Variants in MCMBP observed in about 807,000 individuals in gnomAD.
The protein encoded by MCMBP is mini-chromosome maintenance complex-binding protein.
MCMBP carries 31 observed loss-of-function variants against 81.3 expected under a neutral mutation model. The ratio of observed to expected loss-of-function variants is 0.38; its 90% CI spans 0.29 to 0.51. The LOEUF (loss-of-function observed/expected upper bound fraction) is 0.51. Among genes scored for constraint, MCMBP ranks in the 20% least tolerant of loss-of-function variants. The pLI is 0.87. For missense variants in MCMBP, 645 were observed against 772.1 expected (o/e 0.84, Z 1.95); for synonymous variants, 267 against 275.9 (o/e 0.97, Z 0.32).
intron 7 of MCMBP, among the ~76,000 whole-genome samples, chr10:119,849,193 C>T (rs915003104): frequency 6.6e-6 from 1 of 152,100 alleles, no homozygotes; most frequent in Non-Finnish European, 1.5e-5. Flanking sequence ...TTAGGGGCTC[C>T]GAGAAAGGAA....
rs186766776 is a variant in MCMBP at position 119,835,754 on chromosome 10, A to G, written c.1543-50T>C. 4,288 of 1,585,902 alleles carry G rather than the reference A, an allele frequency of 2.7e-3. 9 individuals carry two copies. Among genetic ancestry groups the G allele is most frequent in the Non-Finnish European group, 3.3e-3 (3,861 of 1,158,482 alleles). The stretch of plus-strand genomic sequence containing the variant: ...ATTTTCTGAGTTCCTAAATTAATCT[A>G]CATTTTTAAAGAAAGATGCATCATC... On this transcript the variant is annotated intron_variant, in intron 13 of 15. Transcript: ENST00000369077.
chr10:119,863,123 T>TC (rs1205709166), intron 1 of MCMBP, among the ~76,000 whole-genome samples: 1 of 151,684 alleles, frequency 6.6e-6, no homozygotes, highest in East Asian at 1.9e-4. Context: ...CCTAATAGAA[T>TC]TTTTTTTTAC....
chr10:119,866,499 G>A lies in MCMBP; in HGVS notation c.58+6028C>T, dbSNP rs1853459926. 2.0e-5 allele frequency among the ~76,000 whole-genome samples: 3 copies of A among 152,132 alleles called. No homozygotes were observed. In the South Asian group the frequency reaches 6.2e-4, roughly 31 times the overall value. On this transcript the variant is annotated intron_variant, in intron 1 of 15. Transcript: ENST00000369077. ...AAATTAGCCAGGAATGGTGGTGCAT[G>A]CTTGTGATCCCAGCTACTTGGGAGG...
intron 1 of MCMBP, among the ~76,000 whole-genome samples, chr10:119,867,386 T>A (rs1484359084): frequency 3.3e-5 from 5 of 151,234 alleles, no homozygotes; most frequent in African/African-American, 7.3e-5. Context: ...TGATTTTTTT[T>A]AAAACCATGT....
At chr10:119,844,464 A>C (rs923969852) in intron 8 of MCMBP, among the ~76,000 whole-genome samples, 4 of 152,108 alleles carry the variant, frequency 2.6e-5, no homozygotes, top group Middle Eastern at 3.2e-3. Context: ...CCAAAACCTC[A>C]CATCTACCCT....
Position 119,859,160 on chromosome 10 carries a change from G to T in MCMBP, c.166C>A (p.Pro56Thr). The change falls in exon 3 of 16, where the codon CCC becomes ACC. Residue 56 changes from proline (P) to threonine (T), a missense_variant. By Grantham distance (38) the Pro-to-Thr change is conservative. Transcript: ENST00000369077. ...PKWVPSLNEVPLHYLKPNSFV... is the reference protein window; with the variant it reads ...PKWVPSLNEVTLHYLKPNSFV... ...CTATTAGGTTTCAAATAATGAAGGG[G>T]AACTTCGTTCAGTGATGGTACCTTA... is the stretch of plus-strand genomic sequence containing the variant. 1.9e-6 allele frequency: 3 copies of T among 1,613,510 alleles called. No homozygotes were observed. The highest frequency in any genetic ancestry group is 1.1e-5 in the South Asian group (1 of 91,032).
chr10:119,835,553 T>C lies in MCMBP; in HGVS notation c.1694A>G (p.Asp565Gly). 4 of 1,613,574 alleles carry C rather than the reference T, an allele frequency of 2.5e-6. No homozygotes were observed. Among genetic ancestry groups the C allele is most frequent in the Non-Finnish European group, 3.4e-6 (4 of 1,179,684 alleles). The change falls in exon 14 of 16, where the codon GAT becomes GGT. Residue 565 changes from aspartate to glycine, a missense_variant. By Grantham distance (94) the Asp-to-Gly change is moderately conservative. Transcript: ENST00000369077. ...ACCTAGACATACCTTGGTTATTTCA[T>C]CAGATATGCTATATTCCAAGAATCT... is the stretch of plus-strand genomic sequence containing the variant. ...LLRFLEYSIS[D>G]EITKAVEDDF...
intron 1 of MCMBP, among the ~76,000 whole-genome samples, chr10:119,869,105 T>C (rs1003359270): frequency 1.3e-5 from 2 of 152,154 alleles, no homozygotes; most frequent in African/African-American, 4.8e-5. Flanking sequence ...TGTTCCAGCG[T>C]CCAGGAAAGA....
chr10:119,848,838 A>C lies in MCMBP; in HGVS notation c.726+587T>G, dbSNP rs1460938609. ...AGGTTTTGCTGAGAGAAGGAAGAAG[A>C]CAAAAATGAAGAAGATATTATGTTA... On this transcript the variant is annotated intron_variant, in intron 7 of 15. Transcript: ENST00000369077. Among the ~76,000 whole-genome samples, 3 of 152,216 alleles carry C rather than the reference A, an allele frequency of 2.0e-5. No individual in the cohort carries two copies. The East Asian group carries it at 5.8e-4, about 29-fold the overall frequency.
At chr10:119,852,702 T>A (rs954355384) in intron 6 of MCMBP, among the ~76,000 whole-genome samples, 4 of 151,954 alleles carry the variant, frequency 2.6e-5, no homozygotes, top group African/African-American at 9.7e-5. Flanking sequence ...ACAAGAAAAT[T>A]AAAAAGAAAA....
intron 5 of MCMBP, among the ~76,000 whole-genome samples, chr10:119,854,765 T>C (rs1005998048): frequency 6.6e-6 from 1 of 151,756 alleles, no homozygotes; most frequent in African/African-American, 2.4e-5. Flanking sequence ...AAGACCATCC[T>C]GGCCAACATG....
At chr10:119,835,815 T>A in intron 13 of MCMBP, 111 bp from the exon 14 acceptor site, 2 of 1,134,070 alleles carry the variant, frequency 1.8e-6, no homozygotes, top group Non-Finnish European at 2.6e-6. Flanking sequence ...AAATACCACT[T>A]ATTATTTAGG....
At chr10:119,850,487 A>G (rs1852771684) in intron 6 of MCMBP, among the ~76,000 whole-genome samples, 1 of 152,082 alleles carries the variant, frequency 6.6e-6, no homozygotes, top group Admixed American at 6.5e-5. Flanking sequence ...CAGTGGCTCA[A>G]GCCTGTAATC....
At position 119,831,390 on chromosome 10, in the gene MCMBP, A is replaced by G; in HGVS notation, c.*84T>C. 6.6e-7 allele frequency: 1 copy of G among 1,524,200 alleles called. No individual in the cohort carries two copies. The highest frequency in any genetic ancestry group is 9.0e-7 in the Non-Finnish European group (1 of 1,116,096). The allele number at this position is 1,524,200 out of a possible 1,614,324, so 94.4% of individuals were successfully genotyped here. A position where few individuals can be genotyped will look rare whatever the true frequency, so the allele number is the denominator to read the frequency against. ...CTGGTTTGTGATAGAAATTACCTAT[A>G]AAACAATGTGGTATAAATGAATATC... On this transcript the variant is annotated 3_prime_UTR_variant, in exon 16 of 16. Coordinates refer to ENST00000369077, the MANE Select transcript of MCMBP (RefSeq NM_001256378.2).
intron 8 of MCMBP, among the ~76,000 whole-genome samples, chr10:119,844,271 G>A (rs896676102): frequency 4.6e-5 from 7 of 152,196 alleles, no homozygotes; most frequent in Admixed American, 2.0e-4. Context: ...TAAATCTGCA[G>A]ATGATAGATT....
chr10:119,836,115 T>C (rs1852232722), intron 13 of MCMBP, among the ~76,000 whole-genome samples: 1 of 152,258 alleles, frequency 6.6e-6, no homozygotes, highest in South Asian at 2.1e-4. Flanking sequence ...ATTACAGGCG[T>C]GAGCCACCGC....
At position 119,843,510 on chromosome 10, in the gene MCMBP, T is replaced by C. The variant is rs1207991165; in HGVS notation, c.828-84A>G. Reference sequence around the variant, plus strand: ...TAATGTGCATCTTGGAAAACAAAATTAGAGTTAAAGCCAAGAATATTTCCA... The same window carrying C: ...TAATGTGCATCTTGGAAAACAAAATCAGAGTTAAAGCCAAGAATATTTCCA... On this transcript the variant is annotated intron_variant, in intron 8 of 15. Coordinates refer to ENST00000369077, the MANE Select transcript of MCMBP (RefSeq NM_001256378.2). The C allele has an allele frequency of 2.9e-6, 4 of 1,359,438 alleles. No homozygotes were observed. The Admixed American group carries it at 6.6e-5, about 22-fold the overall frequency. 84.2% of individuals were successfully genotyped at this position (1,359,438 alleles called of 1,614,324 possible). A position where few individuals can be genotyped will look rare whatever the true frequency, so the allele number is the denominator to read the frequency against.
At chr10:119,849,617 G>C (rs1852737914) in intron 6 of MCMBP, 41 bp from the exon 7 acceptor site, 2 of 1,505,704 alleles carry the variant, frequency 1.3e-6, no homozygotes, top group African/African-American at 2.9e-5. Context: ...CATTTCTAAG[G>C]CCTCCTGGAG....
intron 1 of MCMBP, among the ~76,000 whole-genome samples, chr10:119,861,922 T>C (rs1853269011): frequency 6.6e-6 from 1 of 152,064 alleles, no homozygotes; most frequent in African/African-American, 2.4e-5. Context: ...TAAATCTTTT[T>C]GTAGAGATGG....
Sources: gnomAD v4.1 joint callset for allele counts (sites outside exome capture counted in the v4.1 genomes callset) on GRCh38, gnomAD v4.1.1 for gene constraint, MANE v1.5 for transcripts, NCBI Gene and HGNC (gene_info 2026-07-23, HGNC 2026-07-21) for gene names.